Variants in LRMDA observed in about 807,000 individuals in gnomAD.
The protein encoded by LRMDA is leucine rich melanocyte differentiation associated.
LRMDA carries 18 observed loss-of-function variants against 29.8 expected under a neutral mutation model. The ratio of observed to expected loss-of-function variants is 0.60; its 90% confidence interval spans 0.42 to 0.90. LRMDA has a LOEUF of 0.90. Ranked by LOEUF, LRMDA falls within the 40% of genes least tolerant of loss-of-function variation. The pLI, the probability that LRMDA is intolerant of heterozygous loss-of-function variation, is 0.00. For synonymous variants in LRMDA, 125 were observed against 109.4 expected (o/e 1.14, Z -0.89); for missense variants, 273 against 273.9 (o/e 1.00, Z 0.02).
At chr10:76,478,661 T>C (rs537176854) in intron 6 of LRMDA, among the ~76,000 whole-genome samples, 11 of 152,074 alleles carry the variant, frequency 7.2e-5, no homozygotes, top group African/African-American at 2.7e-4. Context: ...TGTCCAACAA[T>C]GATAGACTGG....
intron 2 of LRMDA, among the ~76,000 whole-genome samples, chr10:75,446,104 A>G (rs1235931435): frequency 6.6e-6 from 1 of 152,194 alleles, no homozygotes; most frequent in Non-Finnish European, 1.5e-5. Context: ...GGACAGACAC[A>G]CCATACTTTC....
intron 6 of LRMDA, among the ~76,000 whole-genome samples, chr10:76,351,778 G>T (rs979956355): frequency 1.3e-5 from 2 of 151,964 alleles, no homozygotes; most frequent in East Asian, 3.9e-4. Flanking sequence ...GACAACTAGG[G>T]CTAAGAGACT....
chr10:75,875,238 T>C (rs1845176156), intron 2 of LRMDA, among the ~76,000 whole-genome samples: 1 of 152,174 alleles, frequency 6.6e-6, no homozygotes, highest in East Asian at 1.9e-4. Context: ...CCTGCTAATT[T>C]TGGTGAGACT....
intron 2 of LRMDA, among the ~76,000 whole-genome samples, chr10:75,594,908 G>A (rs1460909949): frequency 6.6e-6 from 1 of 152,062 alleles, no homozygotes; most frequent in African/African-American, 2.4e-5. Context: ...TCCTATCCAT[G>A]CCTCATCTGT....
intron 5 of LRMDA, among the ~76,000 whole-genome samples, chr10:76,088,271 T>A (rs1035660686): frequency 2.6e-5 from 4 of 152,214 alleles, no homozygotes; most frequent in Non-Finnish European, 5.9e-5. Flanking sequence ...TGCTCCTTTC[T>A]GCTCTATCTG....
At chr10:75,995,410 G>T (rs1847444882) in intron 2 of LRMDA, among the ~76,000 whole-genome samples, 1 of 152,234 alleles carries the variant, frequency 6.6e-6, no homozygotes, top group South Asian at 2.1e-4. Context: ...TGACTTAGCT[G>T]CTGGTTTCTG....
chr10:76,059,559 C>T (rs988462061), intron 5 of LRMDA, among the ~76,000 whole-genome samples: 5 of 152,152 alleles, frequency 3.3e-5, no homozygotes, highest in African/African-American at 1.2e-4. Context: ...CCTTGGAGAA[C>T]CATCATTGCC....
intron 2 of LRMDA, among the ~76,000 whole-genome samples, chr10:75,702,836 C>T (rs570501209): frequency 5.9e-5 from 9 of 152,148 alleles, no homozygotes; most frequent in African/African-American, 2.2e-4. Context: ...TCATTTTTGA[C>T]CTGGGAGTGA....
At chr10:76,302,038 G>C (rs1038720700) in intron 5 of LRMDA, among the ~76,000 whole-genome samples, 1 of 152,162 alleles carries the variant, frequency 6.6e-6, no homozygotes, top group African/African-American at 2.4e-5. Flanking sequence ...TAGCCCCTCA[G>C]TTTTGAGGAC....
At chr10:75,989,638 A>G (rs1347305516) in intron 2 of LRMDA, among the ~76,000 whole-genome samples, 2 of 152,234 alleles carry the variant, frequency 1.3e-5, no homozygotes, top group Non-Finnish European at 2.9e-5. Flanking sequence ...CATGGGTTAC[A>G]GAGTGCCTCT....
At chr10:76,314,621 A>C (rs1307573571) in intron 5 of LRMDA, among the ~76,000 whole-genome samples, 1 of 152,212 alleles carries the variant, frequency 6.6e-6, no homozygotes, top group East Asian at 1.9e-4. Flanking sequence ...AGCATAAATA[A>C]CAGTAAAATT....
At chr10:76,234,791 TGAG>T (rs1158197877) in intron 5 of LRMDA, among the ~76,000 whole-genome samples, 3 of 152,356 alleles carry the variant, frequency 2.0e-5, no homozygotes, top group African/African-American at 7.2e-5. Context: ...TTTACATAAA[TGAG>T]GAGAGTTAAG....
chr10:75,813,106 C>G (rs1276606715), intron 2 of LRMDA, among the ~76,000 whole-genome samples: 2 of 152,118 alleles, frequency 1.3e-5, no homozygotes, highest in Non-Finnish European at 2.9e-5. Flanking sequence ...AGGGATCACT[C>G]ACGGGCAATG....
chr10:76,516,451 G>A (rs372163818), intron 6 of LRMDA, among the ~76,000 whole-genome samples: 1,811 of 151,984 alleles, frequency 0.012, 16 homozygotes, highest in African/African-American at 0.031. Flanking sequence ...CCATTAACTC[G>A]TCATTTAGCA....
At position 75,892,302 on chromosome 10, in the gene LRMDA, T is replaced by C. The variant is rs1845504903; in HGVS notation, c.132-143706T>C. Reference sequence around the variant, plus strand: ...AACTCCAGTGCACACTAGGGAAACCTGGACTCCACACTGACTGGGATGTCC... The same window carrying C: ...AACTCCAGTGCACACTAGGGAAACCCGGACTCCACACTGACTGGGATGTCC... On this transcript the variant is annotated intron_variant, in intron 2 of 6. Coordinates refer to ENST00000611255, the MANE Select transcript of LRMDA (RefSeq NM_001305581.2). Among the ~76,000 whole-genome samples, 5 of 152,348 alleles carry C rather than the reference T, an allele frequency of 3.3e-5. No individual in the cohort carries two copies. The South Asian group carries it at 1.0e-3, about 32-fold the overall frequency.
intron 2 of LRMDA, among the ~76,000 whole-genome samples, chr10:75,663,724 G>A (rs901420463): frequency 5.3e-5 from 8 of 152,126 alleles, no homozygotes; most frequent in African/African-American, 1.9e-4. Flanking sequence ...GTTCTTTTCT[G>A]TTACTTGGTC....
chr10:75,583,975 C>CTT (rs1840626104), intron 2 of LRMDA, among the ~76,000 whole-genome samples: 1 of 152,114 alleles, frequency 6.6e-6, no homozygotes, highest in African/African-American at 2.4e-5. Context: ...TGGTCATTCC[C>CTT]CTTCCCAGCC....
rs141868114 is a variant in LRMDA at position 75,819,905 on chromosome 10, C to T, written c.132-216103C>T. On this transcript the variant is annotated intron_variant, in intron 2 of 6. Transcript: ENST00000611255. ...ATAAGTGTAAAATACACACCAAAGA[C>T]GTAGTAGAAAAAAGGATGTAAAATA... Among the ~76,000 whole-genome samples, 35 of 152,164 alleles carry T rather than the reference C, an allele frequency of 2.3e-4. No individual in the cohort carries two copies. In the East Asian group the frequency reaches 4.0e-3, roughly 18 times the overall value.
chr10:76,482,985 ATGAAGT>A (rs1256634979), intron 6 of LRMDA, among the ~76,000 whole-genome samples: 6 of 151,926 alleles, frequency 3.9e-5, no homozygotes, highest in Non-Finnish European at 7.4e-5. Context: ...CTGTTGGCTG[ATGAAGT>A]TGAACACTCT....
Sources: allele counts gnomAD v4.1 joint callset (sites outside exome capture counted in the v4.1 genomes callset), GRCh38; gene constraint gnomAD v4.1.1; transcripts MANE v1.5; gene names NCBI Gene and HGNC (gene_info 2026-07-23, HGNC 2026-07-21).